UTP6: variants seen among roughly 807,000 people sequenced by gnomAD.
UTP6 encodes the protein UTP6 small subunit processome component.
A neutral mutation model predicts 96.5 loss-of-function variants in UTP6; 60 were observed. The observed-to-expected ratio is 0.62, with a 90% CI of 0.51 to 0.77. The LOEUF is 0.77. Among genes scored for constraint, UTP6 ranks in the 30% least tolerant of loss-of-function variants. The probability of loss-of-function intolerance (pLI) is 0.00; values close to 1 mark genes in which losing one functional copy is unlikely to be tolerated. For missense variants in UTP6, 637 were observed against 706.5 expected, an observed-to-expected ratio of 0.90 and a Z score of 1.12; for synonymous variants, 215 against 240.1, an observed-to-expected ratio of 0.90 and a Z score of 0.96.
rs933815498 is a variant in UTP6 at position 31,892,614 on chromosome 17, T to C, written c.360+133A>G. 1.8e-5 allele frequency: 18 copies of C among 993,768 alleles called. No individual in the cohort carries two copies. The African/African-American group carries it at 2.8e-4, about 15-fold the overall frequency. The allele number at this position is 993,768 out of a possible 1,614,324, so 61.6% of individuals were successfully genotyped here. ...GTCATTCAGATATCCAATGTTATATTGATGTTCCGCCTTCTTGGGTTCTTT... is the reference window on the plus strand; with the variant it reads ...GTCATTCAGATATCCAATGTTATATCGATGTTCCGCCTTCTTGGGTTCTTT... On this transcript the variant is annotated intron_variant, in intron 5 of 18. Transcript: ENST00000261708.
At chr17:31,873,216 T>C (rs1910290539) in intron 16 of UTP6, 162 bp downstream of exon 16, 7 of 614,950 alleles carry the variant, frequency 1.1e-5, no homozygotes. Context: ...ATTGTGCCAC[T>C]GCACTCCAGC....
In UTP6 at chr17:31,887,490, G is replaced by C. The variant is rs1911219370; in HGVS notation, c.544-177C>G. 3 of 561,882 alleles carry C rather than the reference G, an allele frequency of 5.3e-6. No individual in the cohort carries two copies. In the South Asian group the frequency reaches 7.3e-5, roughly 14 times the overall value. 34.8% of individuals were successfully genotyped at this position (561,882 alleles called of 1,614,324 possible). On this transcript the variant is annotated intron_variant, in intron 7 of 18. Coordinates refer to ENST00000261708, the MANE Select transcript of UTP6 (RefSeq NM_018428.3). ...AGCTTCCTGAGTAGCTAGGATTAGA[G>C]GTGCATTCCATCACACTCAGATAAT...
At chr17:31,875,208 G>C (rs367658011) in intron 14 of UTP6, 26 bp downstream of exon 14, 3 of 1,611,532 alleles carry the variant, frequency 1.9e-6, no homozygotes, top group Admixed American at 1.7e-5. Flanking sequence ...CAAATATAAT[G>C]AATACAAAAG....
At chr17:31,882,471 C>T (rs1353963657) in intron 10 of UTP6, among the ~76,000 whole-genome samples, 1 of 150,642 alleles carries the variant, frequency 6.6e-6, no homozygotes, top group Non-Finnish European at 1.5e-5. Flanking sequence ...CAGGTGCATG[C>T]CATCACACCA....
chr17:31,893,056 A>G (rs1489766114), intron 4 of UTP6, among the ~76,000 whole-genome samples: 1 of 152,108 alleles, frequency 6.6e-6, no homozygotes, highest in Non-Finnish European at 1.5e-5. Flanking sequence ...TGATCACTTG[A>G]GGTCAGGAGT....
In UTP6 at chr17:31,862,366, C is replaced by T. The variant is rs1567772566; in HGVS notation, c.*993G>A. 6.6e-6 allele frequency: 1 copy of T among 151,788 alleles called. No homozygotes were observed. Among genetic ancestry groups the T allele is most frequent in the South Asian group, 2.1e-4 (1 of 4,820 alleles). The allele number at this position is 151,788 out of a possible 1,614,324, so 9.4% of individuals were successfully genotyped here. ...GGCTCATTTTTACAATGTAATGTTA[C>T]GAATTCATTAAATGTTTTTAAGGCT... On this transcript the variant is annotated 3_prime_UTR_variant, in exon 19 of 19. Transcript: ENST00000261708.
rs745344623 is a variant in UTP6, at chr17:31,875,271, A to C, written c.1268T>G (p.Met423Arg). 6.2e-7 allele frequency: 1 copy of C among 1,614,160 alleles called. No homozygotes were observed. Among genetic ancestry groups the C allele is most frequent in the East Asian group, 2.2e-5 (1 of 44,884 alleles). ...LIESKSPDIAMLFEEAFVHLK... is the reference protein window; with the variant it reads ...LIESKSPDIARLFEEAFVHLK... Reference sequence around the variant, plus strand: ...GTGCACAAAGGCTTCTTCAAAAAGCATGGCTATGTCAGGGCTCTTTGACTC... The same window carrying C: ...GTGCACAAAGGCTTCTTCAAAAAGCCTGGCTATGTCAGGGCTCTTTGACTC... Residue 423 changes from methionine (M) to arginine (R), a missense_variant, in exon 14 of 19, where the codon ATG becomes AGG. Transcript: ENST00000261708.
intron 13 of UTP6, among the ~76,000 whole-genome samples, chr17:31,876,425 A>G (rs1345065027): frequency 6.6e-6 from 1 of 150,610 alleles, no homozygotes; most frequent in Non-Finnish European, 1.5e-5. Flanking sequence ...CAGGCAGATC[A>G]CCTAAGGTCG....
intron 7 of UTP6, among the ~76,000 whole-genome samples, chr17:31,888,697 A>G (rs1440758529): frequency 6.6e-6 from 1 of 152,020 alleles, no homozygotes; most frequent in Non-Finnish European, 1.5e-5. Flanking sequence ...TCCATCTCAA[A>G]AAATAAAAAA....
chr17:31,873,789 G>A, intron 14 of UTP6, 36 bp from the exon 15 acceptor site: 1 of 1,582,358 alleles, frequency 6.3e-7, no homozygotes, highest in South Asian at 1.2e-5. Context: ...TTAGAGAACA[G>A]CATATAACAA....
chr17:31,875,631 C>T (rs577870745), intron 13 of UTP6, among the ~76,000 whole-genome samples: 1 of 151,882 alleles, frequency 6.6e-6, no homozygotes, highest in African/African-American at 2.4e-5. Flanking sequence ...AAGACCATCC[C>T]GGCCAACATG....
chr17:31,892,789 A>G lies in UTP6; in HGVS notation c.318T>C (p.Asp106=), dbSNP rs906641127. Residue 106 remains aspartate, a synonymous_variant, in exon 5 of 19, where the codon GAT becomes GAC. Coordinates refer to ENST00000261708, the MANE Select transcript of UTP6 (RefSeq NM_018428.3). ...CCACATAGGAGAGCCAAAGTTGAACATCGTCCTGCAAGAAAAGCAATGTAG... is the reference window on the plus strand; with the variant it reads ...CCACATAGGAGAGCCAAAGTTGAACGTCGTCCTGCAAGAAAAGCAATGTAG... The part of the protein sequence containing the change: ...FQRASAKWKD[D]VQLWLSYVAF... 19 of 1,614,066 alleles carry G rather than the reference A, an allele frequency of 1.2e-5. No homozygotes were observed. The highest frequency in any genetic ancestry group is 4.0e-5 in the African/African-American group (3 of 74,938).
rs918930237 is a variant in UTP6, at chr17:31,873,741, A to G, written c.1318T>C (p.Leu440=). The change falls in exon 15 of 19, where the codon TTG becomes CTG. Residue 440 remains leucine (L), a synonymous_variant. Transcript: ENST00000261708. ...CTCCACTCTGCCCAGGAAATCCACA[A>G]TGGCAGACAAACCTACTCCCAGTTT... ...VHLKPQVCLP[L]WISWAEWSEG... 1 of 1,609,564 alleles carries G rather than the reference A, an allele frequency of 6.2e-7. No individual in the cohort carries two copies. Among genetic ancestry groups the G allele is most frequent in the Non-Finnish European group, 8.5e-7 (1 of 1,179,220 alleles).
intron 5 of UTP6, 101 bp from the exon 6 acceptor site, chr17:31,892,424 G>T: frequency 8.2e-7 from 1 of 1,218,026 alleles, no homozygotes; most frequent in Non-Finnish European, 1.2e-6. Flanking sequence ...AAAATCCAAT[G>T]GAGCATGACA....
At chr17:31,878,979 A>T (rs1367239040) in intron 11 of UTP6, among the ~76,000 whole-genome samples, 198 bp from the exon 12 acceptor site, 1 of 152,234 alleles carries the variant, frequency 6.6e-6, no homozygotes. Context: ...CACCTCAAAT[A>T]TTGGGGGAAA....
intron 18 of UTP6, among the ~76,000 whole-genome samples, chr17:31,864,523 G>A (rs1598090648): frequency 1.3e-5 from 2 of 152,152 alleles, no homozygotes; most frequent in South Asian, 2.1e-4. Flanking sequence ...AACAACAGAC[G>A]CCAATTAGCA....
At chr17:31,873,338 G>C in intron 16 of UTP6, 40 bp downstream of exon 16, 1 of 1,583,852 alleles carries the variant, frequency 6.3e-7, no homozygotes, top group South Asian at 1.1e-5. Context: ...CTGAGCATGG[G>C]GTAGAGGGAC....
At chr17:31,864,568 C>T (rs1197554213) in intron 18 of UTP6, among the ~76,000 whole-genome samples, 1 of 152,138 alleles carries the variant, frequency 6.6e-6, no homozygotes, top group Non-Finnish European at 1.5e-5. Flanking sequence ...ACTCTAAATA[C>T]ATTTTTTTTA....
intron 2 of UTP6, among the ~76,000 whole-genome samples, chr17:31,897,049 C>G (rs72821936): frequency 0.29 from 43,396 of 151,576 alleles, 6,951 homozygotes; most frequent in African/African-American, 0.43. Context: ...AACTCTGGTA[C>G]GGCAAGGCAG....
Sources: gnomAD v4.1 joint callset for allele counts (sites outside exome capture counted in the v4.1 genomes callset) on GRCh38, gnomAD v4.1.1 for gene constraint, MANE v1.5 for transcripts, NCBI Gene and HGNC (gene_info 2026-07-23, HGNC 2026-07-21) for gene names.